Variants in CCSER1 observed in about 807,000 individuals in gnomAD.
CCSER1 encodes serine-rich coiled-coil domain-containing protein 1.
A neutral mutation model predicts 82.0 loss-of-function variants in CCSER1; 41 were observed. The ratio of observed to expected loss-of-function variants is 0.50; its 90% CI spans 0.39 to 0.65. The LOEUF (loss-of-function observed/expected upper bound fraction) is 0.65, where lower values mean the gene tolerates loss of function less well. CCSER1 is among the 30% of genes least tolerant of loss of function. CCSER1 has a pLI of 0.00. For missense variants in CCSER1, 1,119 were observed against 1,064.2 expected (o/e 1.05, Z -0.72); for synonymous variants, 414 against 383.9 (o/e 1.08, Z -0.92).
intron 10 of CCSER1, among the ~76,000 whole-genome samples, chr4:91,090,961 C>T (rs1457296908): frequency 2.0e-5 from 3 of 152,274 alleles, no homozygotes; most frequent in African/African-American, 7.2e-5. Context: ...TTGCAGCTTC[C>T]ACTCATGCAG....
chr4:90,438,693 A>G (rs1427812632), intron 4 of CCSER1, among the ~76,000 whole-genome samples: 2 of 152,202 alleles, frequency 1.3e-5, no homozygotes, highest in East Asian at 1.9e-4. Flanking sequence ...GGAAAACAGG[A>G]TATGTCATGG....
intron 10 of CCSER1, among the ~76,000 whole-genome samples, chr4:91,280,774 C>T (rs904287347): frequency 2.6e-5 from 4 of 152,150 alleles, no homozygotes; most frequent in African/African-American, 9.7e-5. Flanking sequence ...CTGCCAATGG[C>T]TCACACTTGG....
chr4:90,291,736 A>G (rs1377454535), intron 1 of CCSER1, among the ~76,000 whole-genome samples: 6 of 152,020 alleles, frequency 3.9e-5, no homozygotes, highest in Non-Finnish European at 8.8e-5. Context: ...AAAGTCAAAG[A>G]ACAATATAGG....
intron 10 of CCSER1, among the ~76,000 whole-genome samples, chr4:91,182,924 A>C (rs1231433075): frequency 6.6e-6 from 1 of 152,228 alleles, no homozygotes; most frequent in Non-Finnish European, 1.5e-5. Context: ...TCCCTGTATA[A>C]TAGCTTTAGC....
At chr4:91,098,451 T>A (rs1003491509) in intron 10 of CCSER1, among the ~76,000 whole-genome samples, 4 of 152,172 alleles carry the variant, frequency 2.6e-5, no homozygotes, top group Admixed American at 2.6e-4. Flanking sequence ...TATAACTTAA[T>A]TAGAATTATG....
chr4:91,434,572 T>G (rs1754532536), intron 10 of CCSER1, among the ~76,000 whole-genome samples: 1 of 152,206 alleles, frequency 6.6e-6, no homozygotes, highest in Admixed American at 6.5e-5. Flanking sequence ...TTTTGTTTGT[T>G]TTTCACTCCT....
chr4:91,108,379 T>C (rs908791145), intron 10 of CCSER1, among the ~76,000 whole-genome samples: 1 of 152,178 alleles, frequency 6.6e-6, no homozygotes, highest in Non-Finnish European at 1.5e-5. Context: ...TCTAAAATGG[T>C]TGAGAGAAAA....
At chr4:90,648,284 G>GGAAAGAAAGAAAGAAAAGAAA (rs1728005339) in intron 6 of CCSER1, among the ~76,000 whole-genome samples, 4 of 89,892 alleles carry the variant, frequency 4.4e-5, no homozygotes, top group Non-Finnish European at 9.3e-5. Context: ...GAGAAAGAAA[G>GGAAAGAAAGAAAGAAAAGAAA]GAAAGAAAGA....
intron 6 of CCSER1, among the ~76,000 whole-genome samples, chr4:90,688,575 G>T (rs188808190): frequency 6.6e-6 from 1 of 152,050 alleles, no homozygotes; most frequent in African/African-American, 2.4e-5. Flanking sequence ...TCTTCTCAGT[G>T]TAGTAAAAAG....
intron 10 of CCSER1, among the ~76,000 whole-genome samples, chr4:91,176,340 T>C (rs1191348967): frequency 1.3e-5 from 2 of 150,776 alleles, no homozygotes; most frequent in Admixed American, 6.6e-5. Context: ...CTTTGAAGTA[T>C]TTTTTTCCAA....
At chr4:91,254,699 T>A (rs1252791360) in intron 10 of CCSER1, among the ~76,000 whole-genome samples, 3 of 152,152 alleles carry the variant, frequency 2.0e-5, no homozygotes, top group African/African-American at 7.2e-5. Flanking sequence ...CTAAATTTTA[T>A]GTCATGTGTA....
At chr4:91,070,025 C>T (rs1179996830) in intron 9 of CCSER1, among the ~76,000 whole-genome samples, 3 of 150,852 alleles carry the variant, frequency 2.0e-5, no homozygotes, top group African/African-American at 7.3e-5. Flanking sequence ...TGCTCTGTCA[C>T]CCAGGCTGGA....
At chr4:90,792,012 G>A (rs956514519) in intron 7 of CCSER1, among the ~76,000 whole-genome samples, 6 of 152,144 alleles carry the variant, frequency 3.9e-5, no homozygotes, top group Non-Finnish European at 7.3e-5. Context: ...TATCTCAGAG[G>A]TATGCCCATA....
At chr4:90,531,167 T>G (rs1365655313) in intron 5 of CCSER1, among the ~76,000 whole-genome samples, 1 of 152,032 alleles carries the variant, frequency 6.6e-6, no homozygotes, top group Admixed American at 6.6e-5. Context: ...TTTTGTTTTT[T>G]TTTTAACCCC....
chr4:91,219,668 T>C lies in CCSER1; in HGVS notation c.2217+133674T>C, dbSNP rs191072678. 9.1e-4 allele frequency among the ~76,000 whole-genome samples: 138 copies of C among 152,296 alleles called. 1 individual carries two copies. The highest frequency in any genetic ancestry group is 1.9e-3 in the Non-Finnish European group (129 of 68,020). ...TTGGTAGAAGGAAGTTAGGAAGAGA[T>C]TCACAAGAACTTTCTCTGAGCTACA... On this transcript the variant is annotated intron_variant, in intron 10 of 10. Coordinates refer to ENST00000509176, the MANE Select transcript of CCSER1 (RefSeq NM_001145065.2).
chr4:91,017,878 G>A (rs1463192883), intron 9 of CCSER1, among the ~76,000 whole-genome samples: 1 of 151,358 alleles, frequency 6.6e-6, no homozygotes, highest in Non-Finnish European at 1.5e-5. Flanking sequence ...TGTCACCCTA[G>A]GCTGAATAAC....
chr4:90,197,486 T>G (rs1736833019), intron 1 of CCSER1, among the ~76,000 whole-genome samples: 1 of 152,160 alleles, frequency 6.6e-6, no homozygotes, highest in African/African-American at 2.4e-5. Flanking sequence ...ACTCTCATGT[T>G]TGTTGCAGCA....
chr4:91,290,082 A>T (rs1218368799), intron 10 of CCSER1, among the ~76,000 whole-genome samples: 3 of 152,086 alleles, frequency 2.0e-5, no homozygotes, highest in African/African-American at 7.2e-5. Flanking sequence ...TTTGAGAGGG[A>T]TAAACTAACA....
At chr4:90,251,919 A>T (rs72877745) in intron 1 of CCSER1, among the ~76,000 whole-genome samples, 6,817 of 151,410 alleles carry the variant, frequency 0.045, 397 homozygotes, top group African/African-American at 0.13. Flanking sequence ...TTGTTGATTT[A>T]CTGTATTGTT....
Sources: gnomAD v4.1 joint callset for allele counts (sites outside exome capture counted in the v4.1 genomes callset) on GRCh38, gnomAD v4.1.1 for gene constraint, MANE v1.5 for transcripts, NCBI Gene and HGNC (gene_info 2026-07-23, HGNC 2026-07-21) for gene names.